The following EXOSC10 variants were observed in gnomAD, a reference collection of about 807,000 sequenced individuals.
The protein encoded by EXOSC10 is exosome complex component 10.
In EXOSC10, 94 loss-of-function variants were observed where a neutral mutation model predicts 126.6. The ratio of observed to expected loss-of-function variants is 0.74; its 90% CI spans 0.63 to 0.88. The LOEUF is 0.88. EXOSC10 is among the 40% of genes least tolerant of loss of function. EXOSC10 has a pLI of 0.00. For synonymous variants in EXOSC10, 395 were observed against 400.8 expected (o/e 0.99, Z 0.17); for missense variants, 1,041 against 1,100.5 (o/e 0.95, Z 0.77).
chr1:11,073,411 C>T (rs1183919463), intron 19 of EXOSC10, among the ~76,000 whole-genome samples: 2 of 152,058 alleles, frequency 1.3e-5, no homozygotes, highest in Non-Finnish European at 2.9e-5. Context: ...GGATTACAGG[C>T]GTGAGCCACC....
intron 20 of EXOSC10, chr1:11,071,230 A>C (rs942392707): frequency 4.1e-6 from 2 of 481,930 alleles, no homozygotes; most frequent in Admixed American, 3.7e-5. Flanking sequence ...CTAAATGCTC[A>C]GTGGCCTGTG....
Position 11,091,122 on chromosome 1 carries a change from T to G in EXOSC10, c.535A>C (p.Asn179His). 1 of 1,614,198 alleles carries G rather than the reference T, an allele frequency of 6.2e-7. No homozygotes were observed. The highest frequency in any genetic ancestry group is 8.5e-7 in the Non-Finnish European group (1 of 1,180,034). The change falls in exon 5 of 25, where the codon AAT (asparagine) becomes CAT (histidine). Residue 179 changes from asparagine to histidine, a missense_variant. Coordinates refer to ENST00000376936, the MANE Select transcript of EXOSC10 (RefSeq NM_001001998.3). ...AACTTGAGCTGAGGTCGGATGATATTTTTTGCATGAAGCAGCCGGAAAGTT... is the reference window on the plus strand; with the variant it reads ...AACTTGAGCTGAGGTCGGATGATATGTTTTGCATGAAGCAGCCGGAAAGTT... Reference protein sequence around the residue: ...SETFRLLHAKNIIRPQLKFRE... With the variant: ...SETFRLLHAKHIIRPQLKFRE...
At chr1:11,096,467 CTTTCTT>C (rs1182567571) in intron 2 of EXOSC10, among the ~76,000 whole-genome samples, 2 of 129,728 alleles carry the variant, frequency 1.5e-5, no homozygotes, top group African/African-American at 5.5e-5. Flanking sequence ...TTCTTTCTTT[CTTTCTT>C]TTTTTTTTTT....
chr1:11,066,868 GC>G, intron 24 of EXOSC10, 120 bp from the exon 25 acceptor site: 1 of 1,266,798 alleles, frequency 7.9e-7, no homozygotes, highest in Non-Finnish European at 1.1e-6. Context: ...TTGCTCAGGG[GC>G]CCCAGAGAAC....
At chr1:11,076,329 C>T (rs1639814422) in intron 17 of EXOSC10, among the ~76,000 whole-genome samples, 1 of 150,764 alleles carries the variant, frequency 6.6e-6, no homozygotes, top group Admixed American at 6.6e-5. Flanking sequence ...GCCTTGGTGG[C>T]AGAACAAGAT....
At position 11,070,945 on chromosome 1, in the gene EXOSC10, G is replaced by A. The variant is rs752105562; in HGVS notation, c.2271C>T (p.Cys757=). ...AGATGGCCTGTTCTGCTGCAGCTTT[G>A]CACGCCTCCTTTGCCTGTTCCCGGG... ...TAAREQAKEA[C]KAAAEQAISV... Residue 757 remains cysteine, a synonymous_variant, in exon 21 of 25, where the codon TGC becomes TGT. Coordinates refer to ENST00000376936, the MANE Select transcript of EXOSC10 (RefSeq NM_001001998.3). The A allele has an allele frequency of 6.2e-7, 1 of 1,614,146 alleles. No individual in the cohort carries two copies. Among genetic ancestry groups the A allele is most frequent in the Non-Finnish European group, 8.5e-7 (1 of 1,180,016 alleles).
intron 9 of EXOSC10, among the ~76,000 whole-genome samples, chr1:11,085,872 A>G (rs186931376): frequency 6.6e-6 from 1 of 152,260 alleles, no homozygotes; most frequent in Admixed American, 6.5e-5. Context: ...GCATCTATTG[A>G]GATAATCACG....
At position 11,088,593 on chromosome 1, in the gene EXOSC10, G is replaced by A. The variant is rs116367947; in HGVS notation, c.759-395C>T. On this transcript the variant is annotated intron_variant, in intron 6 of 24. Coordinates refer to ENST00000376936, the MANE Select transcript of EXOSC10 (RefSeq NM_001001998.3). ...TACTGCAGTTGGCCAAGAGCTTAAT[G>A]TTATATTTTTTCTGATCCTAAGAAA... Among the ~76,000 whole-genome samples, 268 of 152,340 alleles carry A rather than the reference G, an allele frequency of 1.8e-3. 3 individuals carry two copies. The highest frequency in any genetic ancestry group is 6.3e-3 in the African/African-American group (263 of 41,582).
intron 6 of EXOSC10, 103 bp from the exon 7 acceptor site, chr1:11,088,301 CA>C: frequency 2.7e-6 from 2 of 743,396 alleles, no homozygotes; most frequent in African/African-American, 1.8e-5. Flanking sequence ...GAGAAAAGAC[CA>C]CTGTGAAAAT....
At chr1:11,080,162 G>A (rs1332576650) in intron 13 of EXOSC10, among the ~76,000 whole-genome samples, 2 of 152,160 alleles carry the variant, frequency 1.3e-5, no homozygotes, top group South Asian at 2.1e-4. Context: ...ATCACAAAAC[G>A]TTTAAGATCA....
chr1:11,097,318 C>A (rs2100244214), intron 2 of EXOSC10, among the ~76,000 whole-genome samples: 1 of 151,712 alleles, frequency 6.6e-6, no homozygotes, highest in Non-Finnish European at 1.5e-5. Flanking sequence ...GCGCAGGTTG[C>A]AGTGAGCCGA....
chr1:11,070,521 CAAAAAAA>C lies in EXOSC10; in HGVS notation c.2316+372_2316+378del, dbSNP rs70977541. 482 of 112,738 alleles carry C rather than the reference CAAAAAAA, an allele frequency of 4.3e-3. 2 individuals carry two copies. The highest frequency in any genetic ancestry group is 8.2e-3 in the African/African-American group (205 of 25,010). The allele number at this position is 112,738 out of a possible 1,614,324, so 7.0% of individuals were successfully genotyped here. On this transcript the variant is annotated intron_variant, in intron 21 of 24. Transcript: ENST00000376936. ...TGTGCAACAGAGGTAGACACTACTT[CAAAAAAA>C]AAAAAAAAAAAAAAAGAGTTCCAGA... is the stretch of plus-strand genomic sequence containing the variant.
chr1:11,096,295 C>T (rs1010814417), intron 2 of EXOSC10, among the ~76,000 whole-genome samples: 4 of 151,962 alleles, frequency 2.6e-5, no homozygotes, highest in African/African-American at 9.6e-5. Flanking sequence ...GGATTATGGG[C>T]ACACGCCACC....
At chr1:11,097,980 T>C in intron 2 of EXOSC10, 40 bp downstream of exon 2, 1 of 1,468,612 alleles carries the variant, frequency 6.8e-7, no homozygotes, top group Non-Finnish European at 9.0e-7. Context: ...TTGTTTTCAT[T>C]TCTTTTCACT....
At chr1:11,083,141 G>A (rs1159166560) in intron 9 of EXOSC10, among the ~76,000 whole-genome samples, 2 of 152,140 alleles carry the variant, frequency 1.3e-5, no homozygotes, top group African/African-American at 4.8e-5. Context: ...TAGAGACGGG[G>A]TTTCACTATG....
chr1:11,090,612 G>A lies in EXOSC10; in HGVS notation c.700C>T (p.Pro234Ser), dbSNP rs377239514. Residue 234 changes from proline (P) to serine (S), a missense_variant, in exon 6 of 25, where the codon CCC (proline) becomes TCC (serine). Physicochemically the swap from Pro to Ser is moderately conservative, Grantham distance 74. Coordinates refer to ENST00000376936, the MANE Select transcript of EXOSC10 (RefSeq NM_001001998.3). ...TGGATGAAATCAGCCAGTGCAGGGG[G>A]GACGTCCAAGTCCTCAGGACGATCC... is the stretch of plus-strand genomic sequence containing the variant. ...PQDRPEDLDV[P>S]PALADFIHQQ... 7.5e-5 allele frequency: 121 copies of A among 1,614,004 alleles called. No homozygotes were observed. The South Asian group carries it at 1.2e-3, about 16-fold the overall frequency.
chr1:11,083,894 T>C (rs1234195980), intron 9 of EXOSC10, among the ~76,000 whole-genome samples: 1 of 152,156 alleles, frequency 6.6e-6, no homozygotes, highest in African/African-American at 2.4e-5. Context: ...TTTTTGTTCT[T>C]GCGATAGTTT....
chr1:11,072,333 G>T, intron 19 of EXOSC10, 162 bp from the exon 20 acceptor site: 1 of 580,666 alleles, frequency 1.7e-6, no homozygotes, highest in East Asian at 2.9e-5. Context: ...ATTTCATGCT[G>T]GCTTTATTGC....
rs779058106 is a variant in EXOSC10 at position 11,080,561 on chromosome 1, AAAACAC to A, written c.1587-18_1587-13del. 362 of 1,504,838 alleles carry A rather than the reference AAAACAC, an allele frequency of 2.4e-4. No individual in the cohort carries two copies. The African/African-American group carries it at 5.2e-3, about 22-fold the overall frequency. 93.2% of individuals were successfully genotyped at this position (1,504,838 alleles called of 1,614,324 possible). A position where few individuals can be genotyped will look rare whatever the true frequency, so the allele number is the denominator to read the frequency against. Reference sequence around the variant, plus strand: ...TTGGCAGTACATATCTGGAAAAAAAAAAACACACACACACACACACACACACACACA... The same window carrying A: ...TTGGCAGTACATATCTGGAAAAAAAAACACACACACACACACACACACACA... On this transcript the variant is annotated splice_polypyrimidine_tract_variant and intron_variant, in intron 12 of 24. Coordinates refer to ENST00000376936, the MANE Select transcript of EXOSC10 (RefSeq NM_001001998.3).
Sources: allele counts gnomAD v4.1 joint callset (sites outside exome capture counted in the v4.1 genomes callset), GRCh38; gene constraint gnomAD v4.1.1; transcripts MANE v1.5; gene names NCBI Gene and HGNC (gene_info 2026-07-23, HGNC 2026-07-21).